Variants in ADCYAP1R1 observed in about 807,000 individuals in gnomAD.
The protein encoded by ADCYAP1R1 is ADCYAP receptor type I.
A neutral mutation model predicts 67.6 loss-of-function variants in ADCYAP1R1; 44 were observed. That is an observed-to-expected ratio of 0.65 (90% CI 0.51 to 0.84). ADCYAP1R1 has a LOEUF of 0.84. Ranked by LOEUF, ADCYAP1R1 falls within the 40% of genes least tolerant of loss-of-function variation. ADCYAP1R1 has a pLI of 0.00. For synonymous variants in ADCYAP1R1, 222 were observed against 219.6 expected (o/e 1.01, Z -0.10); for missense variants, 477 against 587.9 (o/e 0.81, Z 1.95).
At chr7:31,090,843 A>C (rs1449379423) in intron 12 of ADCYAP1R1, among the ~76,000 whole-genome samples, 1 of 152,194 alleles carries the variant, frequency 6.6e-6, no homozygotes, top group African/African-American at 2.4e-5. Context: ...TGTGGGTCCC[A>C]TGTCTTTGCT....
At chr7:31,079,680 G>C (rs755739993) in intron 4 of ADCYAP1R1, among the ~76,000 whole-genome samples, 2 of 152,218 alleles carry the variant, frequency 1.3e-5, no homozygotes, top group Non-Finnish European at 2.9e-5. Context: ...GGGGGTCCCA[G>C]GTCCCCCCGT....
Position 31,103,300 on chromosome 7 carries a change from C to T in ADCYAP1R1, c.1110C>T (p.Ala370=), listed in dbSNP as rs1224003273. ...TCGGAATCCACTACACAGTATTTGC[C>T]TTCTCCCCAGAGAATGTCAGCAAAA... is the stretch of plus-strand genomic sequence containing the variant. The part of the protein sequence containing the change: ...PLFGIHYTVF[A]FSPENVSKRE... Residue 370 remains alanine (A), a synonymous_variant, in exon 14 of 16, where the codon GCC becomes GCT. Coordinates refer to ENST00000304166, the MANE Select transcript of ADCYAP1R1 (RefSeq NM_001118.5). 1 of 1,614,214 alleles carries T rather than the reference C, an allele frequency of 6.2e-7. No homozygotes were observed. Among genetic ancestry groups the T allele is most frequent in the Non-Finnish European group, 8.5e-7 (1 of 1,180,034 alleles).
intron 9 of ADCYAP1R1, 130 bp downstream of exon 9, chr7:31,085,572 GC>G: frequency 1.9e-6 from 2 of 1,055,058 alleles, no homozygotes; most frequent in Non-Finnish European, 2.7e-6. Context: ...TGAAGGCATT[GC>G]CCCACCCCCC....
intron 13 of ADCYAP1R1, among the ~76,000 whole-genome samples, chr7:31,098,306 T>C (rs1023306973): frequency 4.6e-5 from 7 of 152,206 alleles, no homozygotes; most frequent in Non-Finnish European, 1.0e-4. Context: ...GAGAAAAACA[T>C]ACTTATTTGA....
At position 31,065,003 on chromosome 7, in the gene ADCYAP1R1, C is replaced by G. The variant is rs1018710180; in HGVS notation, c.157+67C>G. ...GCTTTTAGAACTGTTTTCCTGTGCT[C>G]AGGCTCGGCCAGTGAGTGGTCAAGG... On this transcript the variant is annotated intron_variant, in intron 3 of 15. Transcript: ENST00000304166. 4 of 1,247,586 alleles carry G rather than the reference C, an allele frequency of 3.2e-6. No individual in the cohort carries two copies. In the African/African-American group the frequency reaches 6.0e-5, roughly 19 times the overall value. 77.3% of individuals were successfully genotyped at this position (1,247,586 alleles called of 1,614,324 possible).
At chr7:31,075,873 A>G (rs1478511445) in intron 3 of ADCYAP1R1, among the ~76,000 whole-genome samples, 1 of 152,182 alleles carries the variant, frequency 6.6e-6, no homozygotes, top group African/African-American at 2.4e-5. Flanking sequence ...AGAGTGGGGC[A>G]TGGATTTCAC....
intron 1 of ADCYAP1R1, among the ~76,000 whole-genome samples, chr7:31,059,259 A>G (rs954460151): frequency 3.9e-5 from 6 of 152,198 alleles, no homozygotes; most frequent in Admixed American, 2.6e-4. Flanking sequence ...TCACTGTAAC[A>G]TCTATGAGAT....
chr7:31,085,577 AC>A (rs1375359081), intron 9 of ADCYAP1R1, 135 bp downstream of exon 9: 75 of 1,000,434 alleles, frequency 7.5e-5, no homozygotes, highest in Middle Eastern at 3.3e-4. Flanking sequence ...GCATTGCCCC[AC>A]CCCCCCGGTT....
intron 1 of ADCYAP1R1, among the ~76,000 whole-genome samples, chr7:31,059,469 A>G (rs1044375985): frequency 6.6e-6 from 1 of 152,172 alleles, no homozygotes; most frequent in Non-Finnish European, 1.5e-5. Flanking sequence ...GAGCCAGGGA[A>G]TATGGAGTGA....
chr7:31,100,203 A>T, intron 13 of ADCYAP1R1: 1 of 1,550,380 alleles, frequency 6.5e-7, no homozygotes, highest in East Asian at 2.4e-5. Context: ...ACTGTCCACC[A>T]TTACTCTGTA....
At chr7:31,069,133 G>A (rs928701853) in intron 3 of ADCYAP1R1, among the ~76,000 whole-genome samples, 3 of 152,178 alleles carry the variant, frequency 2.0e-5, no homozygotes, top group African/African-American at 7.2e-5. Flanking sequence ...ACCCAGGTCT[G>A]AGAACCACTG....
At chr7:31,096,949 T>C (rs1219754439) in intron 13 of ADCYAP1R1, among the ~76,000 whole-genome samples, 2 of 152,210 alleles carry the variant, frequency 1.3e-5, no homozygotes, top group African/African-American at 4.8e-5. Context: ...CTGTCTAGCG[T>C]TCCTCTGGGT....
At chr7:31,063,137 C>A in intron 1 of ADCYAP1R1, 57 bp from the exon 2 acceptor site, 2 of 1,104,186 alleles carry the variant, frequency 1.8e-6, no homozygotes, top group Non-Finnish European at 2.7e-6. Context: ...GGGAGGTGGT[C>A]TTGCCCCCGG....
At chr7:31,073,069 T>A (rs1795053914) in intron 3 of ADCYAP1R1, among the ~76,000 whole-genome samples, 1 of 152,334 alleles carries the variant, frequency 6.6e-6, no homozygotes, top group South Asian at 2.1e-4. Flanking sequence ...GTGAGACCCA[T>A]TTCAGACTTC....
chr7:31,057,799 C>T (rs982848614), intron 1 of ADCYAP1R1, among the ~76,000 whole-genome samples: 1 of 152,190 alleles, frequency 6.6e-6, no homozygotes, highest in African/African-American at 2.4e-5. Context: ...TAGGGGCGGT[C>T]CAGCTCCCCT....
At chr7:31,095,606 G>T (rs1343144211) in intron 13 of ADCYAP1R1, 2 of 716,040 alleles carry the variant, frequency 2.8e-6, no homozygotes, top group Non-Finnish European at 5.2e-6. Context: ...TATGTGTGGG[G>T]CCAAGAAGCC....
chr7:31,062,250 C>T (rs1243718045), intron 1 of ADCYAP1R1, among the ~76,000 whole-genome samples: 2 of 152,158 alleles, frequency 1.3e-5, no homozygotes, highest in African/African-American at 2.4e-5. Context: ...TTGCAGCCTC[C>T]TTTTTTGACT....
At chr7:31,089,070 T>G (rs531146392) in intron 12 of ADCYAP1R1, among the ~76,000 whole-genome samples, 29 of 152,232 alleles carry the variant, frequency 1.9e-4, no homozygotes, top group Non-Finnish European at 3.7e-4. Flanking sequence ...GTTCTTGTTA[T>G]GTTTACCTCT....
chr7:31,053,623 G>T (rs1332072168), intron 1 of ADCYAP1R1, among the ~76,000 whole-genome samples: 1 of 152,228 alleles, frequency 6.6e-6, no homozygotes, highest in Non-Finnish European at 1.5e-5. Context: ...GGAAGATGGG[G>T]GTGGGGTGGT....
Sources: allele counts gnomAD v4.1 joint callset (sites outside exome capture counted in the v4.1 genomes callset), GRCh38; gene constraint gnomAD v4.1.1; transcripts MANE v1.5; gene names NCBI Gene and HGNC (gene_info 2026-07-23, HGNC 2026-07-21).